ANGPTL3: variants seen among roughly 807,000 people sequenced by gnomAD.
ANGPTL3 encodes angiopoietin like 3.
A neutral mutation model predicts 52.7 loss-of-function variants in ANGPTL3; 51 were observed. The ratio of observed to expected loss-of-function variants is 0.97; its 90% CI spans 0.77 to 1.22. The LOEUF (loss-of-function observed/expected upper bound fraction) is 1.22, where lower values mean the gene tolerates loss of function less well. Ranked by LOEUF, ANGPTL3 falls within the 50% of genes most tolerant of loss-of-function variation. The pLI is 0.00. For synonymous variants in ANGPTL3, 185 were observed against 179.8 expected (o/e 1.03, Z -0.23); for missense variants, 506 against 520.7 (o/e 0.97, Z 0.27).
At chr1:62,599,220 C>T (rs1010993686) in intron 2 of ANGPTL3, among the ~76,000 whole-genome samples, 3 of 152,180 alleles carry the variant, frequency 2.0e-5, no homozygotes, top group East Asian at 1.9e-4. Flanking sequence ...CCCAACCCTT[C>T]GTCATCTCAC....
chr1:62,602,732 C>A (rs1399517170), intron 5 of ANGPTL3, among the ~76,000 whole-genome samples: 1 of 151,592 alleles, frequency 6.6e-6, no homozygotes, highest in African/African-American at 2.4e-5. Flanking sequence ...CCACTCCTAG[C>A]ATTAGTCACT....
intron 2 of ANGPTL3, among the ~76,000 whole-genome samples, 187 bp downstream of exon 2, chr1:62,598,993 T>C (rs911734138): frequency 6.6e-6 from 1 of 152,114 alleles, no homozygotes; most frequent in African/African-American, 2.4e-5. Context: ...AAACTTTGTG[T>C]GACCTTGAAT....
intron 2 of ANGPTL3, among the ~76,000 whole-genome samples, chr1:62,600,064 A>G (rs1471739141): frequency 6.6e-6 from 1 of 151,952 alleles, no homozygotes; most frequent in African/African-American, 2.4e-5. Context: ...AAGGTTTTTT[A>G]TCAACTACTT....
chr1:62,597,639 T>C lies in ANGPTL3; in HGVS notation c.73T>C (p.Ser25Pro), dbSNP rs746135169. The C allele has an allele frequency of 3.1e-6, 5 of 1,613,152 alleles. No homozygotes were observed. The highest frequency in any genetic ancestry group is 4.2e-6 in the Non-Finnish European group (5 of 1,179,482). The change falls in exon 1 of 7, where the codon TCA (serine) becomes CCA (proline). Residue 25 changes from serine (S) to proline (P), a missense_variant. Coordinates refer to ENST00000371129, the MANE Select transcript of ANGPTL3 (RefSeq NM_014495.4). ...ISSRIDQDNS[S>P]FDSLSPEPKS... The stretch of plus-strand genomic sequence containing the variant: ...CTCCAGAATTGATCAAGACAATTCA[T>C]CATTTGATTCTCTATCTCCAGAGCC...
intron 1 of ANGPTL3, 97 bp from the exon 2 acceptor site, chr1:62,598,599 T>C (rs1649638688): frequency 2.8e-6 from 2 of 717,202 alleles, no homozygotes; most frequent in East Asian, 2.7e-5. Flanking sequence ...TTCAAATCCA[T>C]TATTAGTTTA....
At chr1:62,602,087 A>G (rs560184338) in intron 4 of ANGPTL3, among the ~76,000 whole-genome samples, 198 bp from the exon 5 acceptor site, 2 of 151,790 alleles carry the variant, frequency 1.3e-5, no homozygotes, top group Non-Finnish European at 1.5e-5. Context: ...ACTATTATCA[A>G]TAAGTTTACT....
In ANGPTL3 at chr1:62,602,375, T is replaced by C. The variant is rs1306328327; in HGVS notation, c.926T>C (p.Leu309Pro). Residue 309 changes from leucine to proline, a missense_variant, in exon 5 of 7, where the codon CTT becomes CCT. By Grantham distance (98) the Leu-to-Pro change is moderately conservative. Coordinates refer to ENST00000371129, the MANE Select transcript of ANGPTL3 (RefSeq NM_014495.4). ...WENYKYGFGR[L>P]DGEFWLGLEK... The stretch of plus-strand genomic sequence containing the variant: ...AACTACAAATATGGTTTTGGGAGGC[T>C]TGATGGTAAGGGGACTACATTCAAT... 3.1e-6 allele frequency: 5 copies of C among 1,610,122 alleles called. No individual in the cohort carries two copies. Among genetic ancestry groups the C allele is most frequent in the East Asian group, 2.2e-5 (1 of 44,700 alleles).
At chr1:62,602,193 C>G (rs777921428) in intron 4 of ANGPTL3, 92 bp from the exon 5 acceptor site, 2 of 1,033,118 alleles carry the variant, frequency 1.9e-6, no homozygotes, top group African/African-American at 3.2e-5. Flanking sequence ...CCTTACAAAA[C>G]CACCAATTAA....
Position 62,597,634 on chromosome 1 carries a change from A to AT in ANGPTL3, c.70dup (p.Ser24PhefsTer4). 1 of 1,613,224 alleles carries AT rather than the reference A, an allele frequency of 6.2e-7. No individual in the cohort carries two copies. Among genetic ancestry groups the AT allele is most frequent in the Non-Finnish European group, 8.5e-7 (1 of 1,179,486 alleles). On this transcript the variant is annotated frameshift_variant, in exon 1 of 7. Coordinates refer to ENST00000371129, the MANE Select transcript of ANGPTL3 (RefSeq NM_014495.4). LOFTEE classifies it high-confidence loss of function. ...ATTTCCTCCAGAATTGATCAAGACA[A>AT]TTCATCATTTGATTCTCTATCTCCA...
rs978025970 is a variant in ANGPTL3, at chr1:62,605,818, T to C, written c.*1001T>C. 2.0e-5 allele frequency: 3 copies of C among 152,096 alleles called. No individual in the cohort carries two copies. Among genetic ancestry groups the C allele is most frequent in the African/African-American group, 7.2e-5 (3 of 41,436 alleles). 9.4% of individuals were successfully genotyped at this position (152,096 alleles called of 1,614,324 possible). A position where few individuals can be genotyped will look rare whatever the true frequency, so the allele number is the denominator to read the frequency against. On this transcript the variant is annotated 3_prime_UTR_variant, in exon 7 of 7. Transcript: ENST00000371129. ...AATTTAAATTATTCTTGCATGTTTA[T>C]CGACATCACAACAGATCCCTAAATC...
At chr1:62,604,589 C>T (rs1650671903) in intron 6 of ANGPTL3, 44 bp from the exon 7 acceptor site, 4 of 1,566,620 alleles carry the variant, frequency 2.6e-6, no homozygotes, top group South Asian at 1.1e-5. Flanking sequence ...ACAGTAACTA[C>T]ATACGAGTCT....
rs1039802625 is a variant in ANGPTL3 at position 62,604,013 on chromosome 1, C to A, written c.976C>A (p.Gln326Lys). 18 of 1,612,812 alleles carry A rather than the reference C, an allele frequency of 1.1e-5. No individual in the cohort carries two copies. The highest frequency in any genetic ancestry group is 1.5e-5 in the Non-Finnish European group (18 of 1,179,216). The change falls in exon 6 of 7, where the codon CAA becomes AAA. Residue 326 changes from glutamine (Q) to lysine (K), a missense_variant. Physicochemically the swap from Gln to Lys is moderately conservative, Grantham distance 53 (BLOSUM62 1). Transcript: ENST00000371129. ...GLEKIYSIVK[Q>K]SNYVLRIELE... The stretch of plus-strand genomic sequence containing the variant: ...AGAGAAGATATACTCCATAGTGAAG[C>A]AATCTAATTATGTTTTACGAATTGA...
chr1:62,599,558 TC>T (rs1649806694), intron 2 of ANGPTL3, among the ~76,000 whole-genome samples: 1 of 152,086 alleles, frequency 6.6e-6, no homozygotes, highest in Non-Finnish European at 1.5e-5. Flanking sequence ...TCTCTTCTAT[TC>T]CTGCACTAAA....
chr1:62,599,202 C>T lies in ANGPTL3; in HGVS notation c.606+396C>T, dbSNP rs1443716812. ...TTTCACTCATATTGGCTCTTTAGACCAAGATTACCCAACCCTTCGTCATCT... is the reference window on the plus strand; with the variant it reads ...TTTCACTCATATTGGCTCTTTAGACTAAGATTACCCAACCCTTCGTCATCT... On this transcript the variant is annotated intron_variant, in intron 2 of 6. Coordinates refer to ENST00000371129, the MANE Select transcript of ANGPTL3 (RefSeq NM_014495.4). Among the ~76,000 whole-genome samples, 8 of 151,970 alleles carry T rather than the reference C, an allele frequency of 5.3e-5. No individual in the cohort carries two copies. The East Asian group carries it at 1.5e-3, about 29-fold the overall frequency.
At chr1:62,600,842 G>A (rs567906419) in intron 2 of ANGPTL3, among the ~76,000 whole-genome samples, 18 of 151,718 alleles carry the variant, frequency 1.2e-4, no homozygotes, top group African/African-American at 3.6e-4. Flanking sequence ...TCTGTTTTCC[G>A]ACCAATGTCT....
intron 5 of ANGPTL3, 41 bp from the exon 6 acceptor site, chr1:62,603,928 G>T: frequency 6.3e-7 from 1 of 1,598,350 alleles, no homozygotes; most frequent in Non-Finnish European, 8.6e-7. Context: ...TGTCCAACCT[G>T]TACTTAATAA....
rs1313302769 is a variant in ANGPTL3 at position 62,603,970 on chromosome 1, A to G, written c.933A>G (p.Gly311=). The G allele has an allele frequency of 3.1e-6, 5 of 1,612,666 alleles. No homozygotes were observed. In the South Asian group the frequency reaches 4.4e-5, roughly 14 times the overall value. Reference sequence around the variant, plus strand: ...GATTTTTAAAACTTTTCTTTTCAGGAGAATTTTGGTTGGGCCTAGAGAAGA... The same window carrying G: ...GATTTTTAAAACTTTTCTTTTCAGGGGAATTTTGGTTGGGCCTAGAGAAGA... The part of the protein sequence containing the change: ...NYKYGFGRLD[G]EFWLGLEKIY... Residue 311 remains glycine (G), a splice_region_variant and synonymous_variant, in exon 6 of 7, where the codon GGA becomes GGG. Coordinates refer to ENST00000371129, the MANE Select transcript of ANGPTL3 (RefSeq NM_014495.4).
intron 1 of ANGPTL3, among the ~76,000 whole-genome samples, chr1:62,598,338 T>C (rs1427247269): frequency 2.0e-5 from 3 of 152,066 alleles, no homozygotes; most frequent in Non-Finnish European, 4.4e-5. Context: ...GTCATTACAC[T>C]ATTGTAAATT....
chr1:62,602,303 T>C lies in ANGPTL3; in HGVS notation c.854T>C (p.Ile285Thr), dbSNP rs759049870. ...DVISGSPWTLIQHRIDGSQNF... is the reference protein window; with the variant it reads ...DVISGSPWTLTQHRIDGSQNF... The stretch of plus-strand genomic sequence containing the variant: ...TATTCAGGTAGTCCATGGACATTAA[T>C]TCAACATCGAATAGATGGATCACAA... The change falls in exon 5 of 7, where the codon ATT becomes ACT. Residue 285 changes from isoleucine (I) to threonine (T), a missense_variant. Coordinates refer to ENST00000371129, the MANE Select transcript of ANGPTL3 (RefSeq NM_014495.4). 6.2e-7 allele frequency: 1 copy of C among 1,610,344 alleles called. No individual in the cohort carries two copies. The highest frequency in any genetic ancestry group is 1.1e-5 in the South Asian group (1 of 90,984).
Sources: gnomAD v4.1 joint callset for allele counts (sites outside exome capture counted in the v4.1 genomes callset) on GRCh38, gnomAD v4.1.1 for gene constraint, MANE v1.5 for transcripts, NCBI Gene and HGNC (gene_info 2026-07-23, HGNC 2026-07-21) for gene names.